The following ADK variants were observed in gnomAD, a reference collection of about 807,000 sequenced individuals.
ADK encodes the protein adenosine kinase.
A neutral mutation model predicts 44.7 loss-of-function variants in ADK; 24 were observed. That is an observed-to-expected ratio of 0.54 (90% CI 0.39 to 0.76). The LOEUF (loss-of-function observed/expected upper bound fraction) is 0.76. Among genes scored for constraint, ADK ranks in the 30% least tolerant of loss-of-function variants. ADK has a pLI of 0.00. For synonymous variants in ADK, 128 were observed against 142.6 expected, an observed-to-expected ratio of 0.90 and a Z score of 0.73; for missense variants, 321 against 425.1, an observed-to-expected ratio of 0.76 and a Z score of 2.15.
intron 10 of ADK, among the ~76,000 whole-genome samples, chr10:74,707,140 A>G (rs1181172874): frequency 1.3e-5 from 2 of 152,168 alleles, no homozygotes; most frequent in African/African-American, 2.4e-5. Context: ...GGCTTAAGCA[A>G]TCCTCTCACC....
chr10:74,183,002 A>G (rs957149006), intron 1 of ADK, among the ~76,000 whole-genome samples: 3 of 151,986 alleles, frequency 2.0e-5, no homozygotes, highest in African/African-American at 4.8e-5. Context: ...TGCAACGTCA[A>G]CCTCTGGGCT....
At chr10:74,502,857 G>C (rs1847928886) in intron 6 of ADK, among the ~76,000 whole-genome samples, 1 of 152,100 alleles carries the variant, frequency 6.6e-6, no homozygotes, top group African/African-American at 2.4e-5. Flanking sequence ...AAAATAGTCA[G>C]ATGTCCTCAT....
intron 6 of ADK, among the ~76,000 whole-genome samples, chr10:74,498,051 G>A (rs776258664): frequency 2.6e-5 from 4 of 151,870 alleles, no homozygotes; most frequent in African/African-American, 7.3e-5. Flanking sequence ...CACCACGCCC[G>A]GCTAATTTTT....
chr10:74,659,921 G>T (rs981269107), intron 9 of ADK, among the ~76,000 whole-genome samples: 1 of 152,122 alleles, frequency 6.6e-6, no homozygotes, highest in East Asian at 1.9e-4. Flanking sequence ...GACACACCCA[G>T]GATCAATACT....
intron 1 of ADK, among the ~76,000 whole-genome samples, chr10:74,193,252 T>A (rs1046967520): frequency 1.3e-5 from 2 of 151,868 alleles, no homozygotes. Context: ...TTCTTTTTTT[T>A]TCTTTTTTTT....
chr10:74,257,513 G>A (rs1845872639), intron 3 of ADK, among the ~76,000 whole-genome samples: 1 of 151,968 alleles, frequency 6.6e-6, no homozygotes. Context: ...AGTTAATAAA[G>A]CAATTTATAA....
At chr10:74,337,689 TTGTCC>T (rs917968374) in intron 4 of ADK, among the ~76,000 whole-genome samples, 4 of 152,222 alleles carry the variant, frequency 2.6e-5, no homozygotes, top group African/African-American at 9.6e-5. Flanking sequence ...TTAATCTGTG[TTGTCC>T]TACTATTAGC....
chr10:74,201,995 A>G (rs1399639349), intron 2 of ADK, among the ~76,000 whole-genome samples: 2 of 152,138 alleles, frequency 1.3e-5, no homozygotes, highest in African/African-American at 4.8e-5. Context: ...GACTGCCAGT[A>G]TATTCACAAA....
intron 7 of ADK, among the ~76,000 whole-genome samples, chr10:74,535,845 T>A (rs1849431655): frequency 6.6e-6 from 1 of 152,066 alleles, no homozygotes; most frequent in South Asian, 2.1e-4. Context: ...CACCTCTGCC[T>A]CCCAAAGTGC....
At chr10:74,276,564 G>T (rs1432533167) in intron 3 of ADK, among the ~76,000 whole-genome samples, 1 of 152,184 alleles carries the variant, frequency 6.6e-6, no homozygotes, top group African/African-American at 2.4e-5. Flanking sequence ...TCACTCAGCT[G>T]GTTCTCAGCT....
chr10:74,565,143 A>G (rs958064607), intron 7 of ADK, among the ~76,000 whole-genome samples: 6 of 152,238 alleles, frequency 3.9e-5, no homozygotes, highest in African/African-American at 1.4e-4. Flanking sequence ...TATTCAAAGG[A>G]TAGTTTTAAA....
At chr10:74,176,603 C>A (rs1045530360) in intron 1 of ADK, 1 of 1,383,026 alleles carries the variant, frequency 7.2e-7, no homozygotes, top group Non-Finnish European at 9.3e-7. Flanking sequence ...CGCTAGCCCG[C>A]GCGCCAGTGA....
chr10:74,686,138 T>C (rs928255248), intron 10 of ADK, among the ~76,000 whole-genome samples: 1 of 151,910 alleles, frequency 6.6e-6, no homozygotes, highest in Non-Finnish European at 1.5e-5. Flanking sequence ...ATTTTTTGTA[T>C]TTTTTAGTAG....
intron 4 of ADK, among the ~76,000 whole-genome samples, chr10:74,384,885 G>A (rs1843091292): frequency 6.6e-6 from 1 of 152,174 alleles, no homozygotes; most frequent in Non-Finnish European, 1.5e-5. Context: ...AGTTGTTTAT[G>A]TTGAACTTGC....
intron 3 of ADK, among the ~76,000 whole-genome samples, chr10:74,243,141 G>T (rs1845287782): frequency 6.6e-6 from 1 of 152,250 alleles, no homozygotes; most frequent in Non-Finnish European, 1.5e-5. Context: ...CACACAGACA[G>T]ACGGCAGAGC....
At chr10:74,572,822 C>T (rs188749617) in intron 7 of ADK, among the ~76,000 whole-genome samples, 14 of 152,160 alleles carry the variant, frequency 9.2e-5, no homozygotes, top group Non-Finnish European at 1.3e-4. Context: ...GCATTCTTCA[C>T]GTAGTTCTCG....
chr10:74,352,516 A>G (rs528407202), intron 4 of ADK, among the ~76,000 whole-genome samples: 2 of 152,348 alleles, frequency 1.3e-5, no homozygotes, highest in African/African-American at 4.8e-5. Flanking sequence ...AGGCATGGGC[A>G]AAGACTTCAT....
chr10:74,203,616 C>T (rs1305337539), intron 2 of ADK, among the ~76,000 whole-genome samples: 1 of 152,090 alleles, frequency 6.6e-6, no homozygotes, highest in African/African-American at 2.4e-5. Flanking sequence ...CCCAAGTTGT[C>T]TTCCCACCTT....
Position 74,212,369 on chromosome 10 carries a change from G to A in ADK, c.140+11531G>A, listed in dbSNP as rs374193869. ...TGGTTACTCTTTTGCCAAATACTGG[G>A]AATACAATATTAAATAACTGTTTTG... is the stretch of plus-strand genomic sequence containing the variant. On this transcript the variant is annotated intron_variant, in intron 2 of 10. Transcript: ENST00000539909. 6.6e-5 allele frequency among the ~76,000 whole-genome samples: 10 copies of A among 152,270 alleles called. No homozygotes were observed. In the South Asian group the frequency reaches 2.1e-3, roughly 32 times the overall value.
Sources: allele counts gnomAD v4.1 joint callset (sites outside exome capture counted in the v4.1 genomes callset), GRCh38; gene constraint gnomAD v4.1.1; transcripts MANE v1.5; gene names NCBI Gene and HGNC (gene_info 2026-07-23, HGNC 2026-07-21).